RSU1: variants seen among roughly 807,000 people sequenced by gnomAD.
RSU1 encodes Ras suppressor protein 1.
A neutral mutation model predicts 31.1 loss-of-function variants in RSU1; 26 were observed. That is an observed-to-expected ratio of 0.84 (90% CI 0.61 to 1.16). RSU1 has a LOEUF of 1.16. Ranked by LOEUF, RSU1 falls within the 50% of genes most tolerant of loss-of-function variation. The pLI is 0.00. For missense variants in RSU1, 320 were observed against 339.1 expected (o/e 0.94, Z 0.44); for synonymous variants, 164 against 136.3 (o/e 1.20, Z -1.41).
intron 8 of RSU1, among the ~76,000 whole-genome samples, chr10:16,672,912 G>T (rs1835138752): frequency 6.6e-6 from 1 of 152,166 alleles, no homozygotes; most frequent in African/African-American, 2.4e-5. Flanking sequence ...GATGTTAAAA[G>T]AAAAACAAAT....
chr10:16,712,588 C>G (rs1009161670), intron 7 of RSU1, among the ~76,000 whole-genome samples: 6 of 152,082 alleles, frequency 3.9e-5, no homozygotes, highest in Non-Finnish European at 8.8e-5. Context: ...AATCTGGTTG[C>G]ATGAAAATAT....
chr10:16,817,206 G>C, intron 1 of RSU1, 109 bp downstream of exon 1: 1 of 706,244 alleles, frequency 1.4e-6, no homozygotes, highest in South Asian at 1.6e-5. Context: ...GTCCGAGGGC[G>C]TCCCAGGGGC....
intron 4 of RSU1, among the ~76,000 whole-genome samples, chr10:16,755,726 T>C (rs1233482134): frequency 6.6e-6 from 1 of 152,180 alleles, no homozygotes; most frequent in Non-Finnish European, 1.5e-5. Flanking sequence ...AAATTTCATG[T>C]CCTTTGGCTA....
Position 16,695,161 on chromosome 10 carries a change from G to GT in RSU1, c.599-7_599-6insA, listed in dbSNP as rs780470064. ...GCCAGTTAAATCCAAGTTTCCTGGG[G>GT]GGGGGGAAAAAAAAAGTGAAGGTCA... On this transcript the variant is annotated splice_polypyrimidine_tract_variant and splice_region_variant and intron_variant, in intron 7 of 8. Coordinates refer to ENST00000345264, the MANE Select transcript of RSU1 (RefSeq NM_012425.4). The GT allele has an allele frequency of 4.7e-6, 7 of 1,483,246 alleles. No homozygotes were observed. Among genetic ancestry groups the GT allele is most frequent in the South Asian group, 2.4e-5 (2 of 83,914 alleles). The allele number at this position is 1,483,246 out of a possible 1,614,324, so 91.9% of individuals were successfully genotyped here.
At chr10:16,666,241 G>GAACT (rs45454900) in intron 8 of RSU1, among the ~76,000 whole-genome samples, 58,980 of 151,668 alleles carry the variant, frequency 0.39, 11,723 homozygotes, top group East Asian at 0.54. Context: ...TAGCACTGCT[G>GAACT]AACTTCAAGG....
chr10:16,667,438 T>C (rs1041915055), intron 8 of RSU1, among the ~76,000 whole-genome samples: 45 of 152,190 alleles, frequency 3.0e-4, no homozygotes, highest in Admixed American at 2.3e-3. Context: ...CAATTAGTAC[T>C]AGGGTACAAT....
intron 7 of RSU1, among the ~76,000 whole-genome samples, chr10:16,745,816 C>G (rs1480278124): frequency 6.6e-6 from 1 of 152,188 alleles, no homozygotes; most frequent in African/African-American, 2.4e-5. Context: ...GAGTCCAGCA[C>G]TTAACCTCTA....
intron 7 of RSU1, among the ~76,000 whole-genome samples, chr10:16,702,797 T>C (rs1835820171): frequency 6.6e-6 from 1 of 152,164 alleles, no homozygotes; most frequent in South Asian, 2.1e-4. Context: ...TGGGGGACAG[T>C]TGGGAAGGCA....
chr10:16,778,935 G>A (rs1425085950), intron 3 of RSU1, among the ~76,000 whole-genome samples: 1 of 152,184 alleles, frequency 6.6e-6, no homozygotes, highest in Non-Finnish European at 1.5e-5. Context: ...CATTATTTCC[G>A]AAAGGATCTT....
At chr10:16,784,353 G>T (rs61843972) in intron 2 of RSU1, among the ~76,000 whole-genome samples, 18,152 of 152,022 alleles carry the variant, frequency 0.12, 1,572 homozygotes, top group African/African-American at 0.23. Flanking sequence ...TTCATTCATC[G>T]GTATTAGTCC....
chr10:16,654,160 G>A (rs573378459), intron 8 of RSU1, among the ~76,000 whole-genome samples: 1 of 151,444 alleles, frequency 6.6e-6, no homozygotes, highest in African/African-American at 2.4e-5. Context: ...ACACCATCAC[G>A]CCCAGCTAAT....
chr10:16,723,359 C>T (rs1026382392), intron 7 of RSU1, among the ~76,000 whole-genome samples: 4 of 152,128 alleles, frequency 2.6e-5, no homozygotes, highest in Admixed American at 1.3e-4. Flanking sequence ...TAAAGAGATA[C>T]TGTTCCTTCT....
chr10:16,698,901 TC>T (rs1319730001), intron 7 of RSU1, among the ~76,000 whole-genome samples: 2 of 152,250 alleles, frequency 1.3e-5, no homozygotes, highest in South Asian at 2.1e-4. Context: ...TGGGTTACCC[TC>T]CCCACCCTCA....
intron 2 of RSU1, among the ~76,000 whole-genome samples, chr10:16,804,769 A>G (rs1838231381): frequency 6.6e-6 from 1 of 152,182 alleles, no homozygotes; most frequent in South Asian, 2.1e-4. Context: ...AAAGGGTAAA[A>G]TTATAGAGAC....
At chr10:16,724,766 G>A (rs1258719603) in intron 7 of RSU1, among the ~76,000 whole-genome samples, 1 of 152,230 alleles carries the variant, frequency 6.6e-6, no homozygotes, top group East Asian at 1.9e-4. Context: ...AAGTGACAAG[G>A]CTGTTGCTTA....
intron 8 of RSU1, among the ~76,000 whole-genome samples, chr10:16,637,779 C>T (rs748178869): frequency 4.0e-5 from 6 of 151,392 alleles, no homozygotes; most frequent in Non-Finnish European, 8.8e-5. Context: ...CAAGACCAAG[C>T]GCTGACTAAC....
chr10:16,751,162 C>A (rs928975350), intron 7 of RSU1, among the ~76,000 whole-genome samples: 1 of 152,048 alleles, frequency 6.6e-6, no homozygotes, highest in Non-Finnish European at 1.5e-5. Context: ...CCACCGTGCC[C>A]GGCCCGAGAT....
intron 8 of RSU1, among the ~76,000 whole-genome samples, chr10:16,664,953 T>C (rs1834961050): frequency 6.6e-6 from 1 of 152,040 alleles, no homozygotes; most frequent in Admixed American, 6.5e-5. Context: ...TTCTTTCTTC[T>C]TTTTTTCTGA....
At chr10:16,643,319 G>A (rs552535675) in intron 8 of RSU1, among the ~76,000 whole-genome samples, 36 of 152,090 alleles carry the variant, frequency 2.4e-4, no homozygotes, top group Non-Finnish European at 4.1e-4. Flanking sequence ...ATGATTCCTA[G>A]TAGATACTTT....
Sources: allele counts gnomAD v4.1 joint callset (sites outside exome capture counted in the v4.1 genomes callset), GRCh38; gene constraint gnomAD v4.1.1; transcripts MANE v1.5; gene names NCBI Gene and HGNC (gene_info 2026-07-23, HGNC 2026-07-21).